EFNB1: variants seen among roughly 807,000 people sequenced by gnomAD.
The protein encoded by EFNB1 is ephrin B1, also known as ephrin-B1.
A neutral mutation model predicts 18.1 loss-of-function variants in EFNB1; 1 was observed. That is an observed-to-expected ratio of 0.06 (90% CI 0.02 to 0.26). The LOEUF (loss-of-function observed/expected upper bound fraction) is 0.26. Among genes scored for constraint, EFNB1 ranks in the 10% least tolerant of loss-of-function variants. The probability of loss-of-function intolerance (pLI) is 1.00; values close to 1 mark genes in which losing one functional copy is unlikely to be tolerated. For missense variants in EFNB1, 221 were observed against 301.8 expected (o/e 0.73, Z 1.98); for synonymous variants, 131 against 127.5 (o/e 1.03, Z -0.19).
At chrX:68,833,922 C>T (rs148279702) in intron 1 of EFNB1, among the ~76,000 whole-genome samples, 7 of 112,538 alleles carry the variant, frequency 6.2e-5, no homozygotes, top group Non-Finnish European at 9.4e-5. Flanking sequence ...GGCATATGCC[C>T]GGACAAGGGA....
intron 2 of EFNB1, 143 bp downstream of exon 2, chrX:68,839,037 A>T: frequency 1.2e-6 from 1 of 843,093 alleles, no homozygotes; most frequent in Non-Finnish European, 1.7e-6. Flanking sequence ...GAAGACTGGC[A>T]TGTTCTCCTC....
chrX:68,834,733 G>T (rs188435606), intron 1 of EFNB1, among the ~76,000 whole-genome samples: 49 of 112,815 alleles, frequency 4.3e-4, no homozygotes, highest in Admixed American at 1.5e-3. Context: ...CGAGGTTGAG[G>T]CTAGAGGCTT....
intron 1 of EFNB1, among the ~76,000 whole-genome samples, chrX:68,834,697 G>A (rs1452818491): frequency 1.8e-5 from 2 of 113,115 alleles, no homozygotes; most frequent in Non-Finnish European, 3.8e-5. Context: ...GGAGGTGCAG[G>A]TGCAGTGGTC....
chrX:68,833,457 GTT>G (rs747876505), intron 1 of EFNB1, among the ~76,000 whole-genome samples: 8,423 of 112,112 alleles, frequency 0.075, 318 homozygotes, highest in Middle Eastern at 0.12. Flanking sequence ...TGGGCTCTCT[GTT>G]GTCTCATCCG....
chrX:68,835,885 A>G (rs1295913295), intron 1 of EFNB1, among the ~76,000 whole-genome samples: 1 of 111,167 alleles, frequency 9.0e-6, no homozygotes, highest in Non-Finnish European at 1.9e-5. Flanking sequence ...CCCTGTTCCA[A>G]TTCCAGGGCT....
chrX:68,832,158 GTCCCTCTCTGTCTCCC>G (rs2080447354), intron 1 of EFNB1, among the ~76,000 whole-genome samples: 1 of 110,303 alleles, frequency 9.1e-6, no homozygotes, highest in African/African-American at 3.3e-5. Context: ...CAAATAAACA[GTCCCTCTCTGTCTCCC>G]TCCCTCTCTG....
chrX:68,835,643 C>T (rs1016512845), intron 1 of EFNB1, among the ~76,000 whole-genome samples: 13 of 111,321 alleles, frequency 1.2e-4, no homozygotes, highest in Admixed American at 3.8e-4. Context: ...TCAGGGAAGG[C>T]GGGTCTCATC....
chrX:68,830,239 T>C (rs1195197010), intron 1 of EFNB1, among the ~76,000 whole-genome samples: 1 of 111,277 alleles, frequency 9.0e-6, no homozygotes, highest in Non-Finnish European at 1.9e-5. Context: ...CGCAGCTCCC[T>C]CCGGGGCCCC....
Position 68,841,711 on chromosome X carries a change from C to G in EFNB1, c.*1057C>G, listed in dbSNP as rs1197891079. On this transcript the variant is annotated 3_prime_UTR_variant, in exon 5 of 5. Transcript: ENST00000204961. Reference sequence around the variant, plus strand: ...CTGGGCCCTAGCACAGGTGGGTAACCCCCACCCAACCCAGCTCCTGCTGCT... The same window carrying G: ...CTGGGCCCTAGCACAGGTGGGTAACGCCCACCCAACCCAGCTCCTGCTGCT... 2 of 113,437 alleles carry G rather than the reference C, an allele frequency of 1.8e-5. No individual in the cohort carries two copies. Among genetic ancestry groups the G allele is most frequent in the Non-Finnish European group, 3.7e-5 (2 of 53,378 alleles). 9.3% of individuals were successfully genotyped at this position (113,437 alleles called of 1,213,427 possible).
At chrX:68,830,925 C>T (rs1174473484) in intron 1 of EFNB1, among the ~76,000 whole-genome samples, 2 of 112,087 alleles carry the variant, frequency 1.8e-5, no homozygotes, top group Non-Finnish European at 3.8e-5. Context: ...GGCGGTGGCT[C>T]AGTGGTTTCT....
chrX:68,839,625 C>A, intron 2 of EFNB1, 39 bp from the exon 3 acceptor site: 2 of 1,175,867 alleles, frequency 1.7e-6, no homozygotes, highest in Non-Finnish European at 2.3e-6. Context: ...ACCTTTCTCT[C>A]CTCCTGACTT....
Position 68,840,733 on chromosome X carries a change from C to A in EFNB1, c.*79C>A. The A allele has an allele frequency of 9.5e-7, 1 of 1,047,432 alleles. No homozygotes were observed. Among genetic ancestry groups the A allele is most frequent in the East Asian group, 3.2e-5 (1 of 31,016 alleles). The allele number at this position is 1,047,432 out of a possible 1,213,427, so 86.3% of individuals were successfully genotyped here. On this transcript the variant is annotated 3_prime_UTR_variant, in exon 5 of 5. Coordinates refer to ENST00000204961, the MANE Select transcript of EFNB1 (RefSeq NM_004429.5). ...TCCTTTCGCCCCCACACCCCCTCCCCTTGCCAGCTGTGCCCACCTTTGTAT... is the reference window on the plus strand; with the variant it reads ...TCCTTTCGCCCCCACACCCCCTCCCATTGCCAGCTGTGCCCACCTTTGTAT...
chrX:68,830,886 C>A (rs2080443456), intron 1 of EFNB1, among the ~76,000 whole-genome samples: 1 of 112,230 alleles, frequency 8.9e-6, no homozygotes, highest in Non-Finnish European at 1.9e-5. Context: ...ACACACACAA[C>A]CCCTCCAAAC....
intron 3 of EFNB1, 30 bp from the exon 4 acceptor site, chrX:68,839,930 G>C (rs187967175): frequency 8.3e-7 from 1 of 1,210,048 alleles, no homozygotes; most frequent in Admixed American, 2.2e-5. Context: ...CCGGGTCCCT[G>C]CCTCTCACCT....
chrX:68,842,140 A>C lies in EFNB1; in HGVS notation c.*1486A>C, dbSNP rs765483945. ...TCTTAGAAAAAAATGAGAACTAAAA[A>C]AAAAAAATTAACCACATGGAGAAAT... On this transcript the variant is annotated 3_prime_UTR_variant, in exon 5 of 5. Coordinates refer to ENST00000204961, the MANE Select transcript of EFNB1 (RefSeq NM_004429.5). The C allele has an allele frequency of 3.6e-5, 4 of 112,472 alleles. No homozygotes were observed. Among genetic ancestry groups the C allele is most frequent in the Non-Finnish European group, 5.6e-5 (3 of 53,189 alleles). 9.3% of individuals were successfully genotyped at this position (112,472 alleles called of 1,213,427 possible). A position where few individuals can be genotyped will look rare whatever the true frequency, so the allele number is the denominator to read the frequency against.
Position 68,829,343 on chromosome X carries a change from C to T in EFNB1, c.-434C>T. On this transcript the variant is annotated 5_prime_UTR_variant, in exon 1 of 5. Coordinates refer to ENST00000204961, the MANE Select transcript of EFNB1 (RefSeq NM_004429.5). Reference sequence around the variant, plus strand: ...CGAGCTTGTGCTGTGGGGAAACCCCCACTTCTTCCAAGGGACAGCGATCCC... The same window carrying T: ...CGAGCTTGTGCTGTGGGGAAACCCCTACTTCTTCCAAGGGACAGCGATCCC... 2 of 191,135 alleles carry T rather than the reference C, an allele frequency of 1.0e-5. No individual in the cohort carries two copies. Among genetic ancestry groups the T allele is most frequent in the South Asian group, 1.5e-4 (2 of 13,778 alleles). The allele number at this position is 191,135 out of a possible 1,213,427, so 15.8% of individuals were successfully genotyped here. A position where few individuals can be genotyped will look rare whatever the true frequency, so the allele number is the denominator to read the frequency against.
chrX:68,840,462 T>G lies in EFNB1; in HGVS notation c.849T>G (p.Ser283Arg). ...AGCGGGCGGCTGCCCTCTCGCTCAG[T>G]ACCCTGGCCAGTCCCAAGGGGGGCA... ...TQQRAAALSL[S>R]TLASPKGGSG... Residue 283 changes from serine to arginine, a missense_variant, in exon 5 of 5, where the codon AGT (serine) becomes AGG (arginine). Transcript: ENST00000204961. 8 of 1,211,526 alleles carry G rather than the reference T, an allele frequency of 6.6e-6. No individual in the cohort carries two copies. The highest frequency in any genetic ancestry group is 8.9e-6 in the Non-Finnish European group (8 of 895,301).
At chrX:68,838,172 T>TGTGTGTGTGC (rs1414068420) in intron 1 of EFNB1, among the ~76,000 whole-genome samples, 44 of 31,740 alleles carry the variant, frequency 1.4e-3, no homozygotes, top group Non-Finnish European at 2.2e-3. Context: ...TGTGTGTGTG[T>TGTGTGTGTGC]GCGCGCGCGC....
At position 68,829,803 on chromosome X, in the gene EFNB1, C is replaced by T. The variant is rs2080439326; in HGVS notation, c.27C>T (p.Leu9=). 1 of 1,191,068 alleles carries T rather than the reference C, an allele frequency of 8.4e-7. No individual in the cohort carries two copies. Among genetic ancestry groups the T allele is most frequent in the Non-Finnish European group, 1.1e-6 (1 of 885,189 alleles). ...TGGCTCGGCCTGGGCAGCGTTGGCT[C>T]GGCAAGTGGCTTGTGGCGATGGTCG... MARPGQRW[L]GKWLVAMVVW... The change falls in exon 1 of 5, where the codon CTC becomes CTT. Residue 9 remains leucine (L), a synonymous_variant. Coordinates refer to ENST00000204961, the MANE Select transcript of EFNB1 (RefSeq NM_004429.5).
Sources: allele counts gnomAD v4.1 joint callset (sites outside exome capture counted in the v4.1 genomes callset), GRCh38; gene constraint gnomAD v4.1.1; transcripts MANE v1.5; gene names NCBI Gene and HGNC (gene_info 2026-07-23, HGNC 2026-07-21).